The following FER variants were observed in gnomAD, a reference collection of about 807,000 sequenced individuals.
FER encodes the protein FER tyrosine kinase, also known as tyrosine-protein kinase Fer.
FER carries 63 observed loss-of-function variants against 111.0 expected under a neutral mutation model. The ratio of observed to expected loss-of-function variants is 0.57; its 90% CI spans 0.46 to 0.70. The LOEUF is 0.70. Ranked by LOEUF, FER falls within the 30% of genes least tolerant of loss-of-function variation. The pLI is 0.00. For missense variants in FER, 914 were observed against 954.0 expected, an observed-to-expected ratio of 0.96 and a Z score of 0.55; for synonymous variants, 327 against 313.9, an observed-to-expected ratio of 1.04 and a Z score of -0.44.
intron 2 of FER, among the ~76,000 whole-genome samples, chr5:108,774,861 T>C (rs1315943702): frequency 1.3e-5 from 2 of 152,292 alleles, no homozygotes; most frequent in East Asian, 1.9e-4. Flanking sequence ...ACTCTGATGA[T>C]AGTTTCTTTC....
chr5:109,035,811 A>G (rs114386170), intron 13 of FER, among the ~76,000 whole-genome samples: 2 of 152,090 alleles, frequency 1.3e-5, no homozygotes, highest in Non-Finnish European at 2.9e-5. Flanking sequence ...CACCCTCACA[A>G]TCTCTTGATT....
At chr5:108,824,856 C>G (rs1759282874) in intron 3 of FER, among the ~76,000 whole-genome samples, 1 of 152,056 alleles carries the variant, frequency 6.6e-6, no homozygotes, top group Non-Finnish European at 1.5e-5. Flanking sequence ...CGTCGGCTGG[C>G]TTGAGAAATA....
At chr5:108,882,348 TTAG>T (rs1765763513) in intron 8 of FER, among the ~76,000 whole-genome samples, 1 of 152,104 alleles carries the variant, frequency 6.6e-6, no homozygotes, top group Non-Finnish European at 1.5e-5. Context: ...CTTGTCAATT[TTAG>T]TAGGTGAAAA....
At chr5:109,128,737 A>T (rs1182614935) in intron 17 of FER, among the ~76,000 whole-genome samples, 1 of 152,164 alleles carries the variant, frequency 6.6e-6, no homozygotes, top group Non-Finnish European at 1.5e-5. Context: ...TATTATGTAA[A>T]TTTAAATGAG....
intron 13 of FER, among the ~76,000 whole-genome samples, chr5:108,996,103 T>A (rs552156043): frequency 7.3e-4 from 111 of 152,346 alleles, no homozygotes; most frequent in African/African-American, 2.5e-3. Flanking sequence ...GCCCACTTTT[T>A]GAAGGAGTTG....
At chr5:108,799,832 T>C (rs71592768) in intron 3 of FER, among the ~76,000 whole-genome samples, 5 of 144,492 alleles carry the variant, frequency 3.5e-5, no homozygotes, top group Non-Finnish European at 3.0e-5. Context: ...ATCCCTCTTG[T>C]TTTCTTTTCT....
At chr5:108,941,034 AAGAGACTTCTCTCTCCC>A (rs1756193056) in intron 10 of FER, among the ~76,000 whole-genome samples, 2 of 152,086 alleles carry the variant, frequency 1.3e-5, no homozygotes, top group Admixed American at 1.3e-4. Context: ...GGTGAGAGCA[AAGAGACTTCTCTCTCCC>A]ACCCGAGAGG....
chr5:108,908,806 A>G (rs899182998), intron 10 of FER, among the ~76,000 whole-genome samples: 1 of 152,132 alleles, frequency 6.6e-6, no homozygotes, highest in African/African-American at 2.4e-5. Context: ...TCAGAGGCCA[A>G]GGTGGGTGGA....
intron 17 of FER, among the ~76,000 whole-genome samples, chr5:109,159,797 G>A (rs1430039695): frequency 1.3e-5 from 2 of 152,170 alleles, no homozygotes; most frequent in East Asian, 1.9e-4. Context: ...GCGAATAGTC[G>A]CAGCCCACCC....
chr5:108,779,865 G>A (rs1350682560), intron 2 of FER, among the ~76,000 whole-genome samples: 6 of 152,050 alleles, frequency 3.9e-5, no homozygotes, highest in African/African-American at 1.4e-4. Flanking sequence ...GCCTTGTTCC[G>A]GATTTTAGTA....
intron 4 of FER, among the ~76,000 whole-genome samples, chr5:108,833,974 A>T (rs1211519758): frequency 6.7e-6 from 1 of 148,666 alleles, no homozygotes; most frequent in Non-Finnish European, 1.5e-5. Context: ...TTGTTGTTTA[A>T]ATGTTTTTTT....
chr5:108,834,287 G>C (rs11949314), intron 4 of FER, among the ~76,000 whole-genome samples: 10,488 of 152,172 alleles, frequency 0.069, 392 homozygotes, highest in Non-Finnish European at 0.081. Context: ...TACATCATAG[G>C]TGGTGGTATA....
chr5:108,929,593 G>A (rs1348298077), intron 10 of FER, among the ~76,000 whole-genome samples: 1 of 149,638 alleles, frequency 6.7e-6, no homozygotes, highest in Non-Finnish European at 1.5e-5. Context: ...TTACAAAGAA[G>A]GAGGTGATTT....
At position 108,996,644 on chromosome 5, in the gene FER, T is replaced by A. The variant is rs574346980; in HGVS notation, c.1656+37297T>A. On this transcript the variant is annotated intron_variant, in intron 13 of 19. Transcript: ENST00000281092. ...TATATCTGTTTTAATACCAGTACCATGCTGTTTTGGTTACTGTAGCCTTGT... is the reference window on the plus strand; with the variant it reads ...TATATCTGTTTTAATACCAGTACCAAGCTGTTTTGGTTACTGTAGCCTTGT... Among the ~76,000 whole-genome samples the A allele has an allele frequency of 1.2e-4, 18 of 152,334 alleles. No homozygotes were observed. The South Asian group carries it at 3.7e-3, about 32-fold the overall frequency.
chr5:108,749,451 C>G (rs941191313), intron 1 of FER, among the ~76,000 whole-genome samples: 1 of 152,040 alleles, frequency 6.6e-6, no homozygotes, highest in African/African-American at 2.4e-5. Flanking sequence ...CTTGCCTGTA[C>G]CCTCACCCCT....
chr5:108,854,404 A>G (rs1762805215), intron 5 of FER, among the ~76,000 whole-genome samples: 2 of 152,224 alleles, frequency 1.3e-5, no homozygotes, highest in Admixed American at 1.3e-4. Flanking sequence ...ATTGCACCAC[A>G]TAGACTGCAA....
intron 16 of FER, among the ~76,000 whole-genome samples, chr5:109,061,320 T>A (rs544618388): frequency 6.6e-6 from 1 of 152,296 alleles, no homozygotes; most frequent in Admixed American, 6.5e-5. Context: ...CTAGTTTTTT[T>A]ATTATAAAAC....
intron 16 of FER, among the ~76,000 whole-genome samples, chr5:109,071,098 C>T (rs576707332): frequency 1.3e-5 from 2 of 152,078 alleles, no homozygotes; most frequent in East Asian, 1.9e-4. Context: ...ATTTCTTAAG[C>T]GAAACATTAC....
Position 108,871,506 on chromosome 5 carries a change from T to C in FER, c.803+4T>C. 6.3e-7 allele frequency: 1 copy of C among 1,594,050 alleles called. No individual in the cohort carries two copies. The highest frequency in any genetic ancestry group is 8.6e-7 in the Non-Finnish European group (1 of 1,168,542). ...ATAATTTCATAGATGTTCACAGGTA[T>C]GACATGTTTATTCCTCTTTAAGGAT... On this transcript the variant is annotated splice_donor_region_variant and intron_variant, in intron 7 of 19. Coordinates refer to ENST00000281092, the MANE Select transcript of FER (RefSeq NM_005246.4).
Sources: allele counts gnomAD v4.1 joint callset (sites outside exome capture counted in the v4.1 genomes callset), GRCh38; gene constraint gnomAD v4.1.1; transcripts MANE v1.5; gene names NCBI Gene and HGNC (gene_info 2026-07-23, HGNC 2026-07-21).